The following TSHR variants were observed in gnomAD, a reference collection of about 807,000 sequenced individuals.
TSHR encodes thyroid stimulating hormone receptor.
A neutral mutation model predicts 64.1 loss-of-function variants in TSHR; 51 were observed. The observed-to-expected ratio is 0.80, with a 90% CI of 0.64 to 1.01. The LOEUF (loss-of-function observed/expected upper bound fraction) is 1.01, where lower values mean the gene tolerates loss of function less well. TSHR is among the 50% of genes least tolerant of loss of function. TSHR has a pLI of 0.00. For synonymous variants in TSHR, 361 were observed against 361.9 expected (o/e 1.00, Z 0.03); for missense variants, 877 against 942.8 (o/e 0.93, Z 0.91).
At chr14:80,986,631 C>T (rs982370210) in intron 1 of TSHR, among the ~76,000 whole-genome samples, 13 of 152,060 alleles carry the variant, frequency 8.5e-5, no homozygotes, top group African/African-American at 2.2e-4. Context: ...AGATTACAGG[C>T]GCCCACCACC....
rs147137913 is a variant in TSHR, at chr14:80,955,825, A to G, written c.145A>G (p.Ser49Gly). The change falls in exon 1 of 10, where the codon AGC becomes GGC. Residue 49 changes from serine (S) to glycine (G), a missense_variant. Physicochemically the swap from Ser to Gly is moderately conservative, Grantham distance 56. Coordinates refer to ENST00000298171, the MANE Select transcript of TSHR (RefSeq NM_000369.5). ...VTCKDIQRIP[S>G]LPPSTQTLKL... Reference sequence around the variant, plus strand: ...CTGCAAGGATATTCAACGCATCCCCAGCTTACCGCCCAGTACGCAGACTCT... The same window carrying G: ...CTGCAAGGATATTCAACGCATCCCCGGCTTACCGCCCAGTACGCAGACTCT... 1.1e-4 allele frequency: 176 copies of G among 1,614,078 alleles called. No homozygotes were observed. In the African/African-American group the frequency reaches 1.8e-3, roughly 16 times the overall value.
chr14:81,071,552 C>T (rs1887067755), intron 3 of TSHR, among the ~76,000 whole-genome samples: 1 of 152,000 alleles, frequency 6.6e-6, no homozygotes. Flanking sequence ...TGATTAATAT[C>T]TAGAGTTTCT....
intron 2 of TSHR, 37 bp from the exon 3 acceptor site, chr14:81,068,213 TACTA>T (rs1254345787): frequency 2.5e-6 from 4 of 1,592,288 alleles, no homozygotes; most frequent in Non-Finnish European, 3.4e-6. Context: ...TTTACAACCT[TACTA>T]ACTTTCTACT....
chr14:81,044,448 G>A (rs960510092), intron 1 of TSHR, among the ~76,000 whole-genome samples: 1 of 152,138 alleles, frequency 6.6e-6, no homozygotes, highest in African/African-American at 2.4e-5. Context: ...CACGAGGTCA[G>A]GAGATTGAGA....
chr14:80,996,996 C>A (rs1889057311), intron 1 of TSHR, among the ~76,000 whole-genome samples: 1 of 152,158 alleles, frequency 6.6e-6, no homozygotes, highest in African/African-American at 2.4e-5. Context: ...ATTATTACTA[C>A]TACTACTACC....
intron 1 of TSHR, among the ~76,000 whole-genome samples, chr14:80,987,953 G>T (rs539197695): frequency 1.3e-5 from 2 of 152,130 alleles, no homozygotes; most frequent in African/African-American, 4.8e-5. Context: ...ATCTACTCTA[G>T]GAGTCTTCAA....
In TSHR at chr14:80,967,766, A is replaced by G. The variant is rs564198646; in HGVS notation, c.170+11916A>G. On this transcript the variant is annotated intron_variant, in intron 1 of 9. Transcript: ENST00000298171. Reference sequence around the variant, plus strand: ...ACTATGTGGACTTTGAGTAAAAGAGAGGAGTCAGTGATATCTTAGTCTGAA... The same window carrying G: ...ACTATGTGGACTTTGAGTAAAAGAGGGGAGTCAGTGATATCTTAGTCTGAA... 1.4e-3 allele frequency among the ~76,000 whole-genome samples: 212 copies of G among 152,260 alleles called. 1 individual carries two copies. The highest frequency in any genetic ancestry group is 4.3e-3 in the Admixed American group (65 of 15,292).
chr14:81,104,511 T>G, intron 7 of TSHR: 2 of 985,408 alleles, frequency 2.0e-6, no homozygotes, highest in Non-Finnish European at 2.4e-6. Context: ...AGATCACGTC[T>G]TTCTAAACCT....
At chr14:81,095,065 T>C (rs1412083453) in intron 6 of TSHR, among the ~76,000 whole-genome samples, 1 of 152,138 alleles carries the variant, frequency 6.6e-6, no homozygotes, top group African/African-American at 2.4e-5. Context: ...AAGGTTCACA[T>C]GTGGTAGATT....
At chr14:80,965,274 C>T (rs542237737) in intron 1 of TSHR, among the ~76,000 whole-genome samples, 2 of 152,360 alleles carry the variant, frequency 1.3e-5, no homozygotes, top group South Asian at 2.1e-4. Flanking sequence ...AGTTTGCCAA[C>T]ATTCTGCATT....
chr14:81,141,111 G>T (rs1166140759), intron 9 of TSHR, among the ~76,000 whole-genome samples: 1 of 152,126 alleles, frequency 6.6e-6, no homozygotes, highest in Non-Finnish European at 1.5e-5. Context: ...GGGCAACAAA[G>T]CAAGATTCTG....
In TSHR at chr14:81,092,492, C is replaced by G. The variant is rs570156274; in HGVS notation, c.468-39C>G. 1.9e-6 allele frequency: 3 copies of G among 1,591,436 alleles called. No homozygotes were observed. In the East Asian group the frequency reaches 6.7e-5, roughly 36 times the overall value. On this transcript the variant is annotated intron_variant, in intron 5 of 9. Transcript: ENST00000298171. ...CAAGACCCCTGCTGCAGAAGGAAAG[C>G]ATTTTTTCATTAAGTGTTTTTGTCC...
chr14:81,024,181 T>C (rs1363484430), intron 1 of TSHR, among the ~76,000 whole-genome samples: 2 of 152,128 alleles, frequency 1.3e-5, no homozygotes, highest in Admixed American at 1.3e-4. Context: ...TTCCTTTTAC[T>C]TTAAGTTGTT....
intron 3 of TSHR, among the ~76,000 whole-genome samples, chr14:81,083,468 T>TA (rs10604790): frequency 0.032 from 4,559 of 144,628 alleles, 205 homozygotes; most frequent in African/African-American, 0.1. Context: ...AAACCTCATT[T>TA]AAAAAAAAAA....
chr14:81,087,707 T>C (rs1435667294), intron 3 of TSHR: 6 of 539,444 alleles, frequency 1.1e-5, no homozygotes, highest in Non-Finnish European at 2.0e-5. Context: ...ATGTAGCCCA[T>C]AAATTAAAGT....
chr14:80,978,130 C>T (rs1887983299), intron 1 of TSHR, among the ~76,000 whole-genome samples: 1 of 138,250 alleles, frequency 7.2e-6, no homozygotes, highest in Non-Finnish European at 1.6e-5. Context: ...CACACACACA[C>T]ATGCATGTGC....
chr14:81,033,837 G>T (rs149428008), intron 1 of TSHR, among the ~76,000 whole-genome samples: 1 of 152,208 alleles, frequency 6.6e-6, no homozygotes, highest in African/African-American at 2.4e-5. Context: ...ATGCATGCCT[G>T]CTGTGGGTAA....
intron 6 of TSHR, among the ~76,000 whole-genome samples, chr14:81,096,185 C>T (rs1889175206): frequency 6.6e-6 from 1 of 151,836 alleles, no homozygotes; most frequent in South Asian, 2.1e-4. Flanking sequence ...GGATAAAATA[C>T]AAAGGTGAAA....
chr14:81,074,215 G>T (rs1360379296), intron 3 of TSHR, among the ~76,000 whole-genome samples: 3 of 152,088 alleles, frequency 2.0e-5, no homozygotes, highest in Non-Finnish European at 2.9e-5. Flanking sequence ...GATATTGAGA[G>T]TCTAATATCT....
Sources: gnomAD v4.1 joint callset for allele counts (sites outside exome capture counted in the v4.1 genomes callset) on GRCh38, gnomAD v4.1.1 for gene constraint, MANE v1.5 for transcripts, NCBI Gene and HGNC (gene_info 2026-07-23, HGNC 2026-07-21) for gene names.